SNTG1: variants seen among roughly 807,000 people sequenced by gnomAD.
SNTG1 encodes the protein gamma-1-syntrophin.
SNTG1 carries 39 observed loss-of-function variants against 74.7 expected under a neutral mutation model. That is an observed-to-expected ratio of 0.52 (90% CI 0.40 to 0.68). The LOEUF is 0.68. Ranked by LOEUF, SNTG1 falls within the 30% of genes least tolerant of loss-of-function variation. The pLI, the probability that SNTG1 is intolerant of heterozygous loss-of-function variation, is 0.00. For missense variants in SNTG1, 685 were observed against 609.5 expected, an observed-to-expected ratio of 1.12 and a Z score of -1.30; for synonymous variants, 254 against 217.1, an observed-to-expected ratio of 1.17 and a Z score of -1.49.
Position 50,217,046 on chromosome 8 carries a change from TAATGAAACAAATGGGCTGACAAACA to T in SNTG1, c.-28+44433_-28+44457del, listed in dbSNP as rs1031107007. ...TTATAAGTTTATTAGTATTGAAAAT[TAATGAAACAAATGGGCTGACAAACA>T]AATGAAACAAATGGGCTGACACCAA... is the stretch of plus-strand genomic sequence containing the variant. On this transcript the variant is annotated intron_variant, in intron 2 of 18. Transcript: ENST00000642720. Among the ~76,000 whole-genome samples the T allele has an allele frequency of 4.6e-5, 7 of 151,676 alleles. No homozygotes were observed. The South Asian group carries it at 8.3e-4, about 18-fold the overall frequency.
At chr8:50,764,808 T>C (rs2095609509) in intron 18 of SNTG1, among the ~76,000 whole-genome samples, 1 of 151,942 alleles carries the variant, frequency 6.6e-6, no homozygotes, top group South Asian at 2.1e-4. Flanking sequence ...AATAAGTATA[T>C]TGAAGAGACA....
At chr8:50,078,041 C>T (rs1822057938) in intron 1 of SNTG1, among the ~76,000 whole-genome samples, 1 of 152,100 alleles carries the variant, frequency 6.6e-6, no homozygotes, top group Non-Finnish European at 1.5e-5. Flanking sequence ...AATTAAGGGA[C>T]TTTCCCAATT....
chr8:50,206,296 T>C (rs936859174), intron 2 of SNTG1, among the ~76,000 whole-genome samples: 9 of 152,168 alleles, frequency 5.9e-5, no homozygotes, highest in Non-Finnish European at 8.8e-5. Flanking sequence ...CCCTTGTCAG[T>C]TGGATTCCTA....
upstream of SNTG1, among the ~76,000 whole-genome samples, chr8:49,910,295 C>T (rs891382857): frequency 6.6e-6 from 1 of 151,816 alleles, no homozygotes; most frequent in East Asian, 2.0e-4. Context: ...CCCTCCCGGA[C>T]CCCCGTCCCC....
At chr8:50,582,517 A>C (rs1433669642) in intron 12 of SNTG1, among the ~76,000 whole-genome samples, 3 of 152,084 alleles carry the variant, frequency 2.0e-5, no homozygotes, top group African/African-American at 7.2e-5. Context: ...GCACAATGTC[A>C]CATTTTTAGT....
intron 2 of SNTG1, among the ~76,000 whole-genome samples, chr8:50,239,848 G>A (rs1290536445): frequency 2.0e-5 from 3 of 152,056 alleles, no homozygotes; most frequent in Non-Finnish European, 4.4e-5. Context: ...TTTTGGGGTG[G>A]GTAAATCTAC....
At chr8:50,000,540 G>T (rs1222509992) in intron 1 of SNTG1, among the ~76,000 whole-genome samples, 1 of 152,058 alleles carries the variant, frequency 6.6e-6, no homozygotes, top group South Asian at 2.1e-4. Context: ...ACATTTTTGT[G>T]AAAAGAATTA....
chr8:50,387,082 A>G (rs2092586700), intron 2 of SNTG1, among the ~76,000 whole-genome samples: 1 of 152,260 alleles, frequency 6.6e-6, no homozygotes. Flanking sequence ...GGGACACATG[A>G]TCAACTTGCC....
chr8:50,305,889 G>A (rs559531699), intron 2 of SNTG1, among the ~76,000 whole-genome samples: 9 of 124,060 alleles, frequency 7.3e-5, no homozygotes, highest in Non-Finnish European at 1.3e-4. Flanking sequence ...ACAGCATCCT[G>A]TGTTATATTT....
At chr8:50,043,781 A>G (rs1238053152) in intron 1 of SNTG1, among the ~76,000 whole-genome samples, 1 of 152,184 alleles carries the variant, frequency 6.6e-6, no homozygotes, top group African/African-American at 2.4e-5. Context: ...ACATAGGGAG[A>G]TAAGCACTCT....
chr8:50,543,005 A>C (rs965464163), intron 11 of SNTG1, among the ~76,000 whole-genome samples: 3 of 152,138 alleles, frequency 2.0e-5, no homozygotes, highest in Non-Finnish European at 2.9e-5. Context: ...CAGATGGGTC[A>C]TTTGAAAATA....
At chr8:49,932,138 A>G (rs1466655077) in intron 1 of SNTG1, among the ~76,000 whole-genome samples, 6 of 152,160 alleles carry the variant, frequency 3.9e-5, no homozygotes, top group Admixed American at 3.3e-4. Flanking sequence ...TTTGTGGAAG[A>G]GACACAGATC....
At chr8:50,283,790 C>T (rs533691087) in intron 2 of SNTG1, among the ~76,000 whole-genome samples, 22 of 152,222 alleles carry the variant, frequency 1.4e-4, no homozygotes, top group African/African-American at 5.1e-4. Context: ...TAATATGATA[C>T]TCTGGGATCA....
chr8:50,622,611 G>A (rs1199357331), intron 13 of SNTG1, among the ~76,000 whole-genome samples: 1 of 151,984 alleles, frequency 6.6e-6, no homozygotes, highest in Non-Finnish European at 1.5e-5. Context: ...TTTTACCAAT[G>A]ACATTTCCAT....
chr8:50,011,645 T>C (rs182372641), intron 1 of SNTG1: 3 of 152,312 alleles, frequency 2.0e-5, no homozygotes, highest in Admixed American at 2.0e-4. Flanking sequence ...AAAAGATCTT[T>C]TGAGCCTTCC....
chr8:50,792,564 C>G lies in SNTG1; in HGVS notation c.1396-107C>G, dbSNP rs569485085. ...AAATTAGTTTCCACATGTTACATAT[C>G]ATAGATTCTAGATAAGTGTATTGAA... On this transcript the variant is annotated intron_variant, in intron 18 of 18. Coordinates refer to ENST00000642720, the MANE Select transcript of SNTG1 (RefSeq NM_018967.5). 15 of 1,152,998 alleles carry G rather than the reference C, an allele frequency of 1.3e-5. No individual in the cohort carries two copies. In the African/African-American group the frequency reaches 1.9e-4, roughly 15 times the overall value. 71.4% of individuals were successfully genotyped at this position (1,152,998 alleles called of 1,614,324 possible). A position where few individuals can be genotyped will look rare whatever the true frequency, so the allele number is the denominator to read the frequency against.
chr8:50,319,365 AAAAT>A (rs71233483), intron 2 of SNTG1, among the ~76,000 whole-genome samples: 3 of 150,884 alleles, frequency 2.0e-5, no homozygotes, highest in Admixed American at 6.6e-5. Flanking sequence ...CTCCTTCTCA[AAAAT>A]AAATAAATAA....
intron 15 of SNTG1, among the ~76,000 whole-genome samples, chr8:50,658,878 G>T (rs1033887299): frequency 9.2e-5 from 14 of 152,184 alleles, no homozygotes; most frequent in African/African-American, 3.4e-4. Context: ...TAAATAACTT[G>T]CAAGCAGACT....
chr8:50,782,054 C>G (rs1585783576), intron 18 of SNTG1, among the ~76,000 whole-genome samples: 2 of 152,264 alleles, frequency 1.3e-5, no homozygotes, highest in South Asian at 4.1e-4. Context: ...CTGGCTTTTA[C>G]AGTTTCTGCC....
Sources: allele counts gnomAD v4.1 joint callset (sites outside exome capture counted in the v4.1 genomes callset), GRCh38; gene constraint gnomAD v4.1.1; transcripts MANE v1.5; gene names NCBI Gene and HGNC (gene_info 2026-07-23, HGNC 2026-07-21).